NSD1: variants seen among roughly 807,000 people sequenced by gnomAD.
NSD1 encodes nuclear receptor binding SET domain protein 1.
In NSD1, 26 loss-of-function variants were observed where a neutral mutation model predicts 242.7. That is an observed-to-expected ratio of 0.11 (90% CI 0.08 to 0.15). The LOEUF is 0.15. Among genes scored for constraint, NSD1 ranks in the 10% least tolerant of loss-of-function variants. The pLI is 1.00. For synonymous variants in NSD1, 1,106 were observed against 1,178.1 expected, an observed-to-expected ratio of 0.94 and a Z score of 1.25; for missense variants, 2,495 against 3,272.8, an observed-to-expected ratio of 0.76 and a Z score of 5.80.
chr5:177,197,579 G>T (rs1417845526), intron 3 of NSD1, among the ~76,000 whole-genome samples: 1 of 150,706 alleles, frequency 6.6e-6, no homozygotes, highest in South Asian at 2.1e-4. Context: ...CCAAGATGAC[G>T]CCACTGCACT....
At chr5:177,235,980 C>T (rs1265237654) in intron 6 of NSD1, 35 bp downstream of exon 6, 2 of 1,610,808 alleles carry the variant, frequency 1.2e-6, no homozygotes, top group South Asian at 1.1e-5. Context: ...TTTCACTGGT[C>T]CTTAGGAAAC....
intron 2 of NSD1, among the ~76,000 whole-genome samples, chr5:177,158,274 T>C (rs1158886173): frequency 9.6e-6 from 1 of 104,474 alleles, no homozygotes; most frequent in Non-Finnish European, 1.7e-5. Context: ...TCTTTCTTTC[T>C]TTCTTTCTTT....
intron 12 of NSD1, among the ~76,000 whole-genome samples, chr5:177,254,858 A>T (rs1205200597): frequency 1.3e-5 from 2 of 151,884 alleles, no homozygotes; most frequent in East Asian, 3.9e-4. Context: ...TGGTTTTTTA[A>T]ATTTGTGGGT....
chr5:177,170,004 C>G (rs1050098867), intron 2 of NSD1, among the ~76,000 whole-genome samples: 1 of 152,154 alleles, frequency 6.6e-6, no homozygotes, highest in African/African-American at 2.4e-5. Context: ...GGGTCTTGCT[C>G]TGTCGCCCAG....
chr5:177,213,319 A>G (rs1406507456), intron 5 of NSD1, among the ~76,000 whole-genome samples: 1 of 152,148 alleles, frequency 6.6e-6, no homozygotes, highest in East Asian at 1.9e-4. Flanking sequence ...TGCAGTTATC[A>G]TATCATAAAA....
At chr5:177,254,874 T>C (rs916662206) in intron 12 of NSD1, among the ~76,000 whole-genome samples, 1 of 152,194 alleles carries the variant, frequency 6.6e-6, no homozygotes, top group Non-Finnish European at 1.5e-5. Context: ...TGGGTTTTTT[T>C]CTCTTTTTCC....
At chr5:177,133,723 G>A (rs893912267), upstream of NSD1, 1 of 148,434 alleles carries the variant, frequency 6.7e-6, no homozygotes, top group Non-Finnish European at 1.5e-5. The surrounding 1 kb of genome is among the most constrained non-coding windows in gnomAD (Gnocchi z 6.2). Flanking sequence ...CGAGGCGCTC[G>A]GTCGCACGCG....
Position 177,252,536 on chromosome 5 carries a change from G to GTTT in NSD1, c.4765+685_4765+686insTTT, listed in dbSNP as rs1362275540. 4.2e-3 allele frequency among the ~76,000 whole-genome samples: 420 copies of GTTT among 98,992 alleles called. 32 individuals are homozygous for GTTT. The highest frequency in any genetic ancestry group is 0.018 in the African/African-American group (403 of 22,990). 64.9% of individuals were successfully genotyped at this position (98,992 alleles called of 152,430 possible). A position where few individuals can be genotyped will look rare whatever the true frequency, so the allele number is the denominator to read the frequency against. On this transcript the variant is annotated intron_variant, in intron 12 of 22. Transcript: ENST00000439151. ...TCATAAAGCTGCGCTAAAGTAAAGT[G>GTTT]TTCTTTTTTTTTTTTTTTTTTTTTT...
intron 5 of NSD1, among the ~76,000 whole-genome samples, chr5:177,214,903 A>G (rs921983694): frequency 3.3e-5 from 5 of 152,022 alleles, no homozygotes; most frequent in African/African-American, 1.2e-4. Flanking sequence ...GGGTGTCACC[A>G]TGTTCCCCAG....
At chr5:177,157,446 C>T (rs1252850525) in intron 2 of NSD1, among the ~76,000 whole-genome samples, 2 of 151,920 alleles carry the variant, frequency 1.3e-5, no homozygotes, top group East Asian at 3.9e-4. Flanking sequence ...GCCTGTAATC[C>T]CAGCACTTTG....
intron 2 of NSD1, among the ~76,000 whole-genome samples, chr5:177,162,794 C>T (rs1427643465): frequency 6.6e-6 from 1 of 152,146 alleles, no homozygotes; most frequent in East Asian, 1.9e-4. Flanking sequence ...ACCTCAGCCT[C>T]CTGAGTAGCT....
chr5:177,235,700 AGTC>A, intron 5 of NSD1, 118 bp from the exon 6 acceptor site: 2 of 1,293,536 alleles, frequency 1.5e-6, no homozygotes, highest in Non-Finnish European at 1.1e-6. Context: ...CTTAAGCCAT[AGTC>A]TATTTTACTA....
chr5:177,180,664 ATTAT>A (rs936388521), intron 2 of NSD1, among the ~76,000 whole-genome samples: 2 of 151,286 alleles, frequency 1.3e-5, no homozygotes, highest in Non-Finnish European at 3.0e-5. Flanking sequence ...TTTTCTTTTT[ATTAT>A]TTATTTATTT....
chr5:177,266,556 C>A, intron 14 of NSD1: 1 of 703,924 alleles, frequency 1.4e-6, no homozygotes, highest in Non-Finnish European at 2.3e-6. Flanking sequence ...AGGACACCTC[C>A]ATGATGCAGT....
chr5:177,195,211 G>A (rs1397607323), intron 3 of NSD1, among the ~76,000 whole-genome samples: 2 of 151,750 alleles, frequency 1.3e-5, no homozygotes, highest in South Asian at 2.1e-4. Context: ...GACCAGACAC[G>A]GTAGCTCATG....
chr5:177,265,812 G>A (rs1757386968), intron 14 of NSD1: 1 of 1,387,974 alleles, frequency 7.2e-7, no homozygotes, highest in Admixed American at 1.7e-5. Context: ...TTGTGGCAGT[G>A]CGTAAACTCG....
intron 8 of NSD1, among the ~76,000 whole-genome samples, chr5:177,243,851 A>G (rs888366632): frequency 5.9e-5 from 9 of 151,956 alleles, no homozygotes; most frequent in Non-Finnish European, 1.3e-4. Flanking sequence ...GTGCCACCAC[A>G]CCTGACTAAT....
intron 2 of NSD1, among the ~76,000 whole-genome samples, chr5:177,185,182 C>A (rs753291465): frequency 5.9e-5 from 9 of 152,102 alleles, no homozygotes; most frequent in Non-Finnish European, 1.2e-4. Flanking sequence ...TTCTAAAAAA[C>A]TGTGGCTGGG....
Position 177,272,604 on chromosome 5 carries a change from C to T in NSD1, c.5510-1068C>T, listed in dbSNP as rs767271919. On this transcript the variant is annotated intron_variant, in intron 16 of 22. Transcript: ENST00000439151. ...GCAATCTTTTAAACATGAGAAAGTACAGGGGCCGGGCACAGTGACTCATGC... is the reference window on the plus strand; with the variant it reads ...GCAATCTTTTAAACATGAGAAAGTATAGGGGCCGGGCACAGTGACTCATGC... 1.4e-3 allele frequency among the ~76,000 whole-genome samples: 206 copies of T among 152,228 alleles called. 1 individual carries two copies. Among genetic ancestry groups the T allele is most frequent in the Non-Finnish European group, 6.2e-4 (42 of 68,012 alleles).
Sources: allele counts gnomAD v4.1 joint callset (sites outside exome capture counted in the v4.1 genomes callset), GRCh38; gene constraint gnomAD v4.1.1; non-coding constraint Gnocchi (gnomAD v3.1); transcripts MANE v1.5; gene names NCBI Gene and HGNC (gene_info 2026-07-23, HGNC 2026-07-21).